The following DNAH3 variants were observed in gnomAD, a reference collection of about 807,000 sequenced individuals.
DNAH3 encodes dynein axonemal heavy chain 3, also known as axonemal beta dynein heavy chain 3.
DNAH3 carries 332 observed loss-of-function variants against 432.5 expected under a neutral mutation model. That is an observed-to-expected ratio of 0.77 (90% confidence interval 0.70 to 0.84). The LOEUF is 0.84. DNAH3 is among the 40% of genes least tolerant of loss of function. The pLI, the probability that DNAH3 is intolerant of heterozygous loss-of-function variation, is 0.00. For missense variants in DNAH3, 4,861 were observed against 5,114.0 expected, an observed-to-expected ratio of 0.95 and a Z score of 1.51; for synonymous variants, 1,956 against 1,900.2, an observed-to-expected ratio of 1.03 and a Z score of -0.76.
In DNAH3 at chr16:20,987,685, T is replaced by C. The variant is rs772965886; in HGVS notation, c.6882+8A>G. On this transcript the variant is annotated splice_region_variant and intron_variant, in intron 46 of 61. Transcript: ENST00000261383. ...AATGATCTTGGTAGTAAAATGATAGTGGCTGACCTGCAGGTGTGTGTGAGG... is the reference window on the plus strand; with the variant it reads ...AATGATCTTGGTAGTAAAATGATAGCGGCTGACCTGCAGGTGTGTGTGAGG... The C allele has an allele frequency of 9.3e-6, 15 of 1,612,168 alleles. No individual in the cohort carries two copies. In the South Asian group the frequency reaches 1.5e-4, roughly 17 times the overall value.
At chr16:21,030,078 A>C (rs1282534822) in intron 37 of DNAH3, among the ~76,000 whole-genome samples, 3 of 152,132 alleles carry the variant, frequency 2.0e-5, no homozygotes, top group Non-Finnish European at 2.9e-5. Context: ...CTCCTGTCTC[A>C]GCCTCTAGAA....
chr16:21,055,118 G>A lies in DNAH3; in HGVS notation c.3925-584C>T, dbSNP rs9673347. 8.0e-3 allele frequency among the ~76,000 whole-genome samples: 1,216 copies of A among 151,926 alleles called. 12 individuals carry two copies. The highest frequency in any genetic ancestry group is 0.028 in the African/African-American group (1,155 of 41,446). On this transcript the variant is annotated intron_variant, in intron 27 of 61. Coordinates refer to ENST00000261383, the Ensembl canonical transcript of DNAH3. Reference sequence around the variant, plus strand: ...CCAGAAAAAAAAAAAAAGACAGTAGGGCAATTGGCTAATTTTATTTATTTA... The same window carrying A: ...CCAGAAAAAAAAAAAAAGACAGTAGAGCAATTGGCTAATTTTATTTATTTA...
intron 51 of DNAH3, among the ~76,000 whole-genome samples, chr16:20,972,739 A>ATTTTTTTTTTTT (rs34245316): frequency 3.1e-5 from 3 of 95,976 alleles, no homozygotes; most frequent in African/African-American, 4.6e-5. Flanking sequence ...ATGCCCCGTG[A>ATTTTTTTTTTTT]TTTTTTTTTT....
chr16:21,128,184 C>A (rs1420390556), intron 7 of DNAH3, among the ~76,000 whole-genome samples: 2 of 151,976 alleles, frequency 1.3e-5, no homozygotes, highest in Non-Finnish European at 2.9e-5. Context: ...GACCCAGAGG[C>A]CAGGACCAAG....
chr16:21,062,629 G>T, exon 25 of DNAH3: 1 of 1,614,104 alleles, frequency 6.2e-7, no homozygotes, highest in Non-Finnish European at 8.5e-7. Context: ...CTCGGAGAGG[G>T]TCCTTTGTCT....
chr16:21,104,854 C>A (rs938226145), intron 15 of DNAH3, among the ~76,000 whole-genome samples: 7 of 152,200 alleles, frequency 4.6e-5, no homozygotes, highest in African/African-American at 1.7e-4. Context: ...TAGAAGGCAT[C>A]AGAGAGGAAT....
At chr16:21,117,180 A>C in intron 12 of DNAH3, 23 bp downstream of exon 12, 1 of 1,499,312 alleles carries the variant, frequency 6.7e-7, no homozygotes, top group Non-Finnish European at 9.2e-7. Flanking sequence ...CTACATAGCT[A>C]ATAAATTTAT....
chr16:21,036,422 CTTT>C (rs933385704), intron 35 of DNAH3, among the ~76,000 whole-genome samples: 7 of 151,930 alleles, frequency 4.6e-5, no homozygotes, highest in African/African-American at 1.5e-4. Flanking sequence ...TTTCTTTCTT[CTTT>C]TTTTTAAGAG....
At chr16:21,040,488 C>T (rs182986242) in intron 32 of DNAH3, among the ~76,000 whole-genome samples, 1 of 151,004 alleles carries the variant, frequency 6.6e-6, no homozygotes, top group African/African-American at 2.4e-5. Context: ...CCTCAGCCTC[C>T]CAAACACCTG....
At chr16:20,933,354 G>A (rs374136141) in exon 62 of DNAH3, 64 of 1,614,092 alleles carry the variant, frequency 4.0e-5, no homozygotes, top group Middle Eastern at 3.3e-4. Context: ...CCAGGTTTCA[G>A]CCAAATGATG....
Position 21,104,494 on chromosome 16 carries a change from C to T in DNAH3, c.2343G>A (p.Gln781=), listed in dbSNP as rs2091904715. The T allele has an allele frequency of 1.2e-6, 2 of 1,613,876 alleles. 1 individual carries two copies. Among genetic ancestry groups the T allele is most frequent in the Non-Finnish European group, 1.7e-6 (2 of 1,179,912 alleles). Reference sequence around the variant, plus strand: ...ACCTTTTAATCAGATCCATTTCTGCCTGATCCCTCTTGTGAAGGAGCAAGT... The same window carrying T: ...ACCTTTTAATCAGATCCATTTCTGCTTGATCCCTCTTGTGAAGGAGCAAGT... The change falls in exon 16 of 62, where the codon CAG becomes CAA. Residue 781 remains glutamine, a synonymous_variant. Transcript: ENST00000261383.
exon 50 of DNAH3, chr16:20,979,405 G>A: frequency 6.2e-7 from 1 of 1,614,162 alleles, no homozygotes; most frequent in Non-Finnish European, 8.5e-7. Flanking sequence ...CTTGCCTCTT[G>A]CTATTCAGGA....
rs923233788 is a variant in DNAH3, at chr16:21,024,849, T to C, written c.5541-148A>G. On this transcript the variant is annotated intron_variant, in intron 38 of 61. Coordinates refer to ENST00000261383, the Ensembl canonical transcript of DNAH3. ...CCTAGTCCCCTGGGTTTACCCACGT[T>C]GAATCTTGTGTTCATCTGCCCCTTG... The C allele has an allele frequency of 1.2e-4, 79 of 668,540 alleles. No individual in the cohort carries two copies. The Middle Eastern group carries it at 1.6e-3, about 13-fold the overall frequency. 41.4% of individuals were successfully genotyped at this position (668,540 alleles called of 1,614,324 possible). A position where few individuals can be genotyped will look rare whatever the true frequency, so the allele number is the denominator to read the frequency against.
rs376337291 is a variant in DNAH3, at chr16:21,127,694, G to A, written c.1201C>T (p.Leu401Phe). The A allele has an allele frequency of 3.9e-5, 63 of 1,614,118 alleles. No individual in the cohort carries two copies. Among genetic ancestry groups the A allele is most frequent in the Admixed American group, 1.0e-4 (6 of 60,016 alleles). Residue 401 changes from leucine to phenylalanine, a missense_variant, in exon 8 of 62, where the codon CTC (leucine) becomes TTC (phenylalanine). By Grantham distance (22) the Leu-to-Phe change is conservative (BLOSUM62 0). Transcript: ENST00000261383. ...TGGAGGGCAGATACTGACTTGTTGA[G>A]AAGAGTCTGGTGTGCCTCCAGGCAG...
intron 41 of DNAH3, among the ~76,000 whole-genome samples, chr16:21,008,229 T>C (rs1490188583): frequency 6.6e-6 from 1 of 152,184 alleles, no homozygotes; most frequent in Non-Finnish European, 1.5e-5. Context: ...GATGTGTGCA[T>C]GATTGCCTTA....
chr16:21,093,771 C>T (rs948686075), intron 18 of DNAH3, among the ~76,000 whole-genome samples: 9 of 152,166 alleles, frequency 5.9e-5, no homozygotes, highest in East Asian at 5.8e-4. Context: ...CATCAACCCA[C>T]GAAGATATGG....
rs772076960 is a variant in DNAH3 at position 21,081,723 on chromosome 16, C to A, written c.2882G>T (p.Ser961Ile). The stretch of plus-strand genomic sequence containing the variant: ...CTTTATCTCATAGCCAACAATCTCA[C>A]TGATCTGCAAAGAAAAGAGGAAAGC... The change falls in exon 20 of 62, where the codon AGT (serine) becomes ATT (isoleucine). Residue 961 changes from serine to isoleucine, a missense_variant. Ser to Ile is a moderately radical substitution (Grantham distance 142, BLOSUM62 -2). Coordinates refer to ENST00000261383, the Ensembl canonical transcript of DNAH3. The A allele has an allele frequency of 1.9e-6, 3 of 1,613,438 alleles. No individual in the cohort carries two copies. The South Asian group carries it at 3.3e-5, about 18-fold the overall frequency.
At chr16:21,015,856 AT>A (rs2087832812) in intron 41 of DNAH3, among the ~76,000 whole-genome samples, 1 of 151,998 alleles carries the variant, frequency 6.6e-6, no homozygotes, top group African/African-American at 2.4e-5. Flanking sequence ...CAGTGGTGTG[AT>A]AGCTCACTGC....
intron 21 of DNAH3, among the ~76,000 whole-genome samples, chr16:21,072,910 C>T (rs1597312177): frequency 6.6e-6 from 1 of 151,874 alleles, no homozygotes; most frequent in African/African-American, 2.4e-5. Flanking sequence ...TCTCGAACTC[C>T]TGAGCTCAAG....
Sources: gnomAD v4.1 joint callset for allele counts (sites outside exome capture counted in the v4.1 genomes callset) on GRCh38, gnomAD v4.1.1 for gene constraint, MANE v1.5 for transcripts, NCBI Gene and HGNC (gene_info 2026-07-23, HGNC 2026-07-21) for gene names.